LARP4B: variants seen among roughly 807,000 people sequenced by gnomAD.
LARP4B encodes la-related protein 4B.
LARP4B carries 12 observed loss-of-function variants against 89.8 expected under a neutral mutation model. The observed-to-expected ratio is 0.13, with a 90% confidence interval of 0.09 to 0.22. The LOEUF (loss-of-function observed/expected upper bound fraction) is 0.22. Among genes scored for constraint, LARP4B ranks in the 10% least tolerant of loss-of-function variants. The probability of loss-of-function intolerance (pLI) is 1.00; values close to 1 mark genes in which losing one functional copy is unlikely to be tolerated. For synonymous variants in LARP4B, 367 were observed against 363.3 expected (o/e 1.01, Z -0.12); for missense variants, 757 against 947.7 (o/e 0.80, Z 2.64).
the LARP4B span, chr10:987,443 GT>G: frequency 6.6e-6 from 1 of 152,270 alleles, no homozygotes; most frequent in Non-Finnish European, 1.5e-5. Flanking sequence ...TTAGAAGCAG[GT>G]TTGCTGGAGC....
chr10:907,287 T>C (rs889081939), intron 1 of LARP4B, among the ~76,000 whole-genome samples: 2 of 152,188 alleles, frequency 1.3e-5, no homozygotes, highest in Non-Finnish European at 2.9e-5. Context: ...AAAAATTAAC[T>C]AGCATTTAAA....
intron 3 of LARP4B, among the ~76,000 whole-genome samples, chr10:873,925 G>A (rs1373592937): frequency 1.3e-5 from 2 of 152,146 alleles, no homozygotes. Context: ...ATACAGGGAG[G>A]AAAAGATTTA....
the LARP4B span, among the ~76,000 whole-genome samples, chr10:943,531 A>G: frequency 6.6e-6 from 1 of 151,808 alleles, no homozygotes; most frequent in Non-Finnish European, 1.5e-5. Context: ...CTGGGCCCAG[A>G]TGATCCTCCC....
At chr10:933,992 C>T (rs1176237701), upstream of LARP4B, among the ~76,000 whole-genome samples, 4 of 151,914 alleles carry the variant, frequency 2.6e-5, no homozygotes, top group Non-Finnish European at 5.9e-5. Flanking sequence ...GCCACCACGC[C>T]CAGCTAATTT....
At chr10:951,328 C>A in the LARP4B span, among the ~76,000 whole-genome samples, 2 of 152,050 alleles carry the variant, frequency 1.3e-5, 1 homozygote, top group Admixed American at 1.3e-4. Context: ...GCAGGTGGAT[C>A]ACCTGAGGTC....
intron 13 of LARP4B, among the ~76,000 whole-genome samples, chr10:823,624 C>A (rs1832468328): frequency 6.6e-6 from 1 of 151,208 alleles, no homozygotes; most frequent in African/African-American, 2.4e-5. Flanking sequence ...CTGCCTCCTT[C>A]CACACCGTGC....
intron 1 of LARP4B, among the ~76,000 whole-genome samples, chr10:889,679 G>C (rs182677169): frequency 2.0e-5 from 3 of 152,152 alleles, no homozygotes; most frequent in African/African-American, 2.4e-5. Context: ...CCCAAACAAC[G>C]TAAGAAGTAA....
At chr10:817,665 G>A (rs1832133616) in intron 15 of LARP4B, 60 bp downstream of exon 15, 1 of 1,519,096 alleles carries the variant, frequency 6.6e-7, no homozygotes, top group Non-Finnish European at 9.0e-7. Context: ...CAAAGCGCCT[G>A]ACACGGAACC....
chr10:985,309 A>G, the LARP4B span: 8 of 152,276 alleles, frequency 5.3e-5, no homozygotes, highest in Admixed American at 6.5e-5. Flanking sequence ...CATAGATAAT[A>G]CATAATGCAT....
At chr10:982,687 T>G in the LARP4B span, among the ~76,000 whole-genome samples, 1 of 152,260 alleles carries the variant, frequency 6.6e-6, no homozygotes, top group African/African-American at 2.4e-5. Context: ...TTTCCCATTT[T>G]GAATGTGTTT....
In LARP4B at chr10:900,420, C is replaced by CTTTTTTTTT. The variant is rs529963345; in HGVS notation, c.-39-14669_-39-14661dup. 9.7e-3 allele frequency among the ~76,000 whole-genome samples: 438 copies of CTTTTTTTTT among 45,248 alleles called. 151 individuals are homozygous for CTTTTTTTTT. Among genetic ancestry groups the CTTTTTTTTT allele is most frequent in the East Asian group, 0.018 (23 of 1,308 alleles). 29.7% of individuals were successfully genotyped at this position (45,248 alleles called of 152,430 possible). A position where few individuals can be genotyped will look rare whatever the true frequency, so the allele number is the denominator to read the frequency against. On this transcript the variant is annotated intron_variant, in intron 1 of 17. Transcript: ENST00000316157. ...ATTCTAGGATCGGAAAGAAGGATGT[C>CTTTTTTTTT]TTTTTTTTTTTTTTTTTTTTTTTTT... is the stretch of plus-strand genomic sequence containing the variant.
chr10:972,751 G>A, the LARP4B span: 1 of 456,874 alleles, frequency 2.2e-6, no homozygotes, highest in South Asian at 1.5e-5. Flanking sequence ...ATGACATAAG[G>A]CAGAGAAAAG....
intron 3 of LARP4B, among the ~76,000 whole-genome samples, chr10:874,479 A>T (rs1412989070): frequency 6.6e-6 from 1 of 152,194 alleles, no homozygotes; most frequent in Non-Finnish European, 1.5e-5. Flanking sequence ...TCTGGTGAAA[A>T]ACAGGCGTTG....
At chr10:927,064 A>G (rs1403031823) in intron 1 of LARP4B, among the ~76,000 whole-genome samples, 2 of 152,074 alleles carry the variant, frequency 1.3e-5, no homozygotes, top group Non-Finnish European at 2.9e-5. Flanking sequence ...AAATTGTGTT[A>G]AACATGAAAT....
At chr10:920,155 C>G (rs1836940793) in intron 1 of LARP4B, among the ~76,000 whole-genome samples, 1 of 152,216 alleles carries the variant, frequency 6.6e-6, no homozygotes, top group African/African-American at 2.4e-5. Context: ...TGCGCCTTAA[C>G]AGCGACCACA....
At chr10:940,792 G>A in the LARP4B span, among the ~76,000 whole-genome samples, 1 of 151,818 alleles carries the variant, frequency 6.6e-6, no homozygotes, top group African/African-American at 2.4e-5. Context: ...ATGCCAGACT[G>A]TGTCCAGGAG....
chr10:848,069 T>C (rs1054242780), intron 5 of LARP4B, among the ~76,000 whole-genome samples: 1 of 152,158 alleles, frequency 6.6e-6, no homozygotes, highest in African/African-American at 2.4e-5. Context: ...AAAGCACGGA[T>C]GTGATGAAAC....
At chr10:830,302 C>T (rs541056990) in intron 9 of LARP4B, among the ~76,000 whole-genome samples, 11 of 152,322 alleles carry the variant, frequency 7.2e-5, no homozygotes, top group Admixed American at 4.6e-4. Context: ...CTCTATCTTC[C>T]GTTCCCCTTT....
intron 1 of LARP4B, among the ~76,000 whole-genome samples, chr10:917,231 G>A (rs1309815488): frequency 4.6e-5 from 7 of 152,060 alleles, no homozygotes; most frequent in African/African-American, 7.2e-5. Context: ...TTCCCAAGTC[G>A]AGGAAGCTTT....
Sources: gnomAD v4.1 joint callset for allele counts (sites outside exome capture counted in the v4.1 genomes callset) on GRCh38, gnomAD v4.1.1 for gene constraint, MANE v1.5 for transcripts, NCBI Gene and HGNC (gene_info 2026-07-23, HGNC 2026-07-21) for gene names.